Variants in ZFYVE26 observed in about 807,000 individuals in gnomAD.
ZFYVE26 encodes the protein zinc finger FYVE-type containing 26.
ZFYVE26 carries 181 observed loss-of-function variants against 276.5 expected under a neutral mutation model. The ratio of observed to expected loss-of-function variants is 0.65; its 90% CI spans 0.58 to 0.74. The LOEUF (loss-of-function observed/expected upper bound fraction) is 0.74, where lower values mean the gene tolerates loss of function less well. ZFYVE26 is among the 30% of genes least tolerant of loss of function. ZFYVE26 has a pLI of 0.00. For missense variants in ZFYVE26, 2,821 were observed against 3,097.9 expected (o/e 0.91, Z 2.12); for synonymous variants, 1,129 against 1,203.1 (o/e 0.94, Z 1.27).
intron 23 of ZFYVE26, among the ~76,000 whole-genome samples, chr14:67,778,516 GA>G (rs1440750237): frequency 2.0e-5 from 3 of 152,172 alleles, no homozygotes; most frequent in African/African-American, 7.2e-5. Flanking sequence ...CTGTTTAAAG[GA>G]CATAGTCACC....
chr14:67,756,320 C>T (rs1425075238), intron 35 of ZFYVE26, 175 bp from the exon 36 acceptor site: 27 of 716,980 alleles, frequency 3.8e-5, no homozygotes, highest in Admixed American at 1.1e-4. Context: ...GACTGCTTCA[C>T]TTCTCTCCTT....
intron 29 of ZFYVE26, among the ~76,000 whole-genome samples, chr14:67,768,992 CT>C (rs2039133150): frequency 1.3e-5 from 2 of 152,136 alleles, no homozygotes; most frequent in Non-Finnish European, 2.9e-5. Context: ...CCTAGATGCT[CT>C]AGGAGTCTTA....
chr14:67,786,030 A>T lies in ZFYVE26; in HGVS notation c.3140-8T>A. ...CCTTTTCTTCCACACTCTCTATGGAAAGCAAATGAGAAAGAAAAAGTAAAG... is the reference window on the plus strand; with the variant it reads ...CCTTTTCTTCCACACTCTCTATGGATAGCAAATGAGAAAGAAAAAGTAAAG... On this transcript the variant is annotated splice_region_variant and splice_polypyrimidine_tract_variant and intron_variant, in intron 17 of 41. Coordinates refer to ENST00000347230, the MANE Select transcript of ZFYVE26 (RefSeq NM_015346.4). 6.2e-7 allele frequency: 1 copy of T among 1,614,180 alleles called. No homozygotes were observed. The highest frequency in any genetic ancestry group is 8.5e-7 in the Non-Finnish European group (1 of 1,180,026).
intron 19 of ZFYVE26, 22 bp downstream of exon 19, chr14:67,785,037 T>C (rs2039611191): frequency 5.0e-6 from 8 of 1,613,196 alleles, no homozygotes; most frequent in Non-Finnish European, 6.8e-6. Context: ...CATGAATCTA[T>C]TGCCTCTTTC....
Position 67,783,500 on chromosome 14 carries a change from T to G in ZFYVE26, c.3652A>C (p.Asn1218His), listed in dbSNP as rs1306939952. 5 of 1,613,356 alleles carry G rather than the reference T, an allele frequency of 3.1e-6. No homozygotes were observed. Among genetic ancestry groups the G allele is most frequent in the Non-Finnish European group, 4.2e-6 (5 of 1,180,016 alleles). ...ACCTGTGGCACACTTAGGCTGAGAT[T>G]CTCTTGGGCCAGAAGGGCTGCCAGT... ...ERLAALLAQE[N>H]LSLSVPQVIV... Residue 1218 changes from asparagine (N) to histidine (H), a missense_variant, in exon 21 of 42, where the codon AAT becomes CAT. By Grantham distance (68) the Asn-to-His change is moderately conservative. Coordinates refer to ENST00000347230, the MANE Select transcript of ZFYVE26 (RefSeq NM_015346.4).
At chr14:67,785,796 C>A in intron 18 of ZFYVE26, 62 bp downstream of exon 18, 1 of 1,610,372 alleles carries the variant, frequency 6.2e-7, no homozygotes, top group Non-Finnish European at 8.5e-7. Context: ...TGCTTCGTTA[C>A]TCTCAGCTGT....
intron 6 of ZFYVE26, among the ~76,000 whole-genome samples, 155 bp downstream of exon 6, chr14:67,806,390 C>T (rs1354550723): frequency 6.6e-6 from 1 of 152,202 alleles, no homozygotes; most frequent in African/African-American, 2.4e-5. Context: ...TCAGAGTCTC[C>T]TTTCCCATGG....
chr14:67,776,982 A>G (rs958689180), intron 25 of ZFYVE26, among the ~76,000 whole-genome samples: 4 of 152,210 alleles, frequency 2.6e-5, no homozygotes, highest in South Asian at 2.1e-4. Flanking sequence ...TTCTAGCTGG[A>G]GGTTTCTTCT....
intron 4 of ZFYVE26, 76 bp from the exon 5 acceptor site, chr14:67,807,996 C>A: frequency 6.5e-7 from 1 of 1,544,948 alleles, no homozygotes. Context: ...TCATGCTTTC[C>A]TCTTTTTCAG....
intron 34 of ZFYVE26, 70 bp from the exon 35 acceptor site, chr14:67,761,654 T>TTG: frequency 7.3e-7 from 1 of 1,368,172 alleles, no homozygotes; most frequent in Non-Finnish European, 1.0e-6. Flanking sequence ...AAAATATTGC[T>TTG]TGCAAAGAAT....
chr14:67,754,350 T>C, intron 37 of ZFYVE26, 138 bp from the exon 38 acceptor site: 1 of 1,189,270 alleles, frequency 8.4e-7, no homozygotes, highest in East Asian at 2.4e-5. Context: ...CTCAAGTACC[T>C]TGTGAGCAGT....
At chr14:67,757,672 TTCTTTCTTTCTC>T (rs1310398999) in intron 35 of ZFYVE26, among the ~76,000 whole-genome samples, 1 of 89,314 alleles carries the variant, frequency 1.1e-5, no homozygotes, top group Non-Finnish European at 2.7e-5. Context: ...CTTTCTTTCT[TTCTTTCTTTCTC>T]TCTCTCTTTC....
intron 3 of ZFYVE26, among the ~76,000 whole-genome samples, chr14:67,810,982 G>C (rs912316092): frequency 6.6e-6 from 1 of 152,136 alleles, no homozygotes; most frequent in African/African-American, 2.4e-5. Flanking sequence ...CACATCAGAG[G>C]CTAACATGAT....
chr14:67,753,709 G>T lies in ZFYVE26; in HGVS notation c.7186C>A (p.Gln2396Lys). 6.2e-7 allele frequency: 1 copy of T among 1,613,438 alleles called. No individual in the cohort carries two copies. The highest frequency in any genetic ancestry group is 8.5e-7 in the Non-Finnish European group (1 of 1,179,730). Reference protein sequence around the residue: ...DGFGIAFRVLQDFQLDAAMTY... With the variant: ...DGFGIAFRVLKDFQLDAAMTY... Reference sequence around the variant, plus strand: ...GATTTGAATGATCCAAGTCATACCTGCAGAACACGGAAAGCAATTCCAAAA... The same window carrying T: ...GATTTGAATGATCCAAGTCATACCTTCAGAACACGGAAAGCAATTCCAAAA... The change falls in exon 39 of 42, where the codon CAG (glutamine) becomes AAG (lysine). Residue 2396 changes from glutamine to lysine, a missense_variant and splice_region_variant. Transcript: ENST00000347230.
intron 3 of ZFYVE26, 119 bp from the exon 4 acceptor site, chr14:67,809,408 CTTTTTTTTT>C (rs10580613): frequency 2.4e-4 from 52 of 213,440 alleles, no homozygotes; most frequent in African/African-American, 1.7e-3. Flanking sequence ...ATGAAGCACT[CTTTTTTTTT>C]TTTTTTTTTT....
At chr14:67,781,578 A>G (rs2039501875) in intron 21 of ZFYVE26, 49 bp from the exon 22 acceptor site, 1 of 1,560,072 alleles carries the variant, frequency 6.4e-7, no homozygotes, top group African/African-American at 1.4e-5. Flanking sequence ...GGACCAGAAG[A>G]GTTCAAGAGT....
At position 67,748,524 on chromosome 14, in the gene ZFYVE26, C is replaced by A; in HGVS notation, c.7532G>T (p.Ser2511Ile). Residue 2511 changes from serine (S) to isoleucine (I), a missense_variant, in exon 42 of 42, where the codon AGC becomes ATC. Ser to Ile is a moderately radical substitution (Grantham distance 142). Transcript: ENST00000347230. ...VQQVQQAAKSSGDAVVQDICA... is the reference protein window; with the variant it reads ...VQQVQQAAKSIGDAVVQDICA... ...GATGTCTTGCACTACTGCATCCCCG[C>A]TGCTCTTGGCGGCCTGCTGCACCTG... 1 of 1,614,092 alleles carries A rather than the reference C, an allele frequency of 6.2e-7. No homozygotes were observed. Among genetic ancestry groups the A allele is most frequent in the Non-Finnish European group, 8.5e-7 (1 of 1,180,000 alleles).
chr14:67,735,419 C>A, intron 13 of ZFYVE26: 1 of 642,756 alleles, frequency 1.6e-6, no homozygotes, highest in Non-Finnish European at 2.8e-6. Context: ...CGCAAGTTAA[C>A]ATCTGAGCAA....
At position 67,782,784 on chromosome 14, in the gene ZFYVE26, TG is replaced by T. The variant is rs768384514; in HGVS notation, c.4367del (p.Ala1456AspfsTer13). 6 of 1,614,192 alleles carry T rather than the reference TG, an allele frequency of 3.7e-6. No individual in the cohort carries two copies. The highest frequency in any genetic ancestry group is 5.1e-6 in the Non-Finnish European group (6 of 1,180,030). ...IKDAVLSCAVACDKEGWQYLF... is the reference protein window; with the variant it reads ...IKDAVLSCAVXCDKEGWQYLF... The stretch of plus-strand genomic sequence containing the variant: ...GAGGCATAGCATTCTGCTCACCACA[TG>T]CCACAGCACAGCTCAGGACTGCATC... On this transcript the variant is annotated frameshift_variant, in exon 21 of 42. Transcript: ENST00000347230. LOFTEE classifies it high-confidence loss of function.
Sources: allele counts gnomAD v4.1 joint callset (sites outside exome capture counted in the v4.1 genomes callset), GRCh38; gene constraint gnomAD v4.1.1; transcripts MANE v1.5; gene names NCBI Gene and HGNC (gene_info 2026-07-23, HGNC 2026-07-21).